Variants in SLC16A12 observed in about 807,000 individuals in gnomAD.
SLC16A12 encodes monocarboxylate transporter 12.
In SLC16A12, 17 loss-of-function variants were observed where a neutral mutation model predicts 42.4. That is an observed-to-expected ratio of 0.40 (90% CI 0.27 to 0.60). The LOEUF is 0.60. Among genes scored for constraint, SLC16A12 ranks in the 20% least tolerant of loss-of-function variants. SLC16A12 has a pLI of 0.42. For missense variants in SLC16A12, 544 were observed against 623.0 expected (o/e 0.87, Z 1.35); for synonymous variants, 224 against 229.4 (o/e 0.98, Z 0.21).
chr10:89,486,304 A>G (rs1309243581), intron 2 of SLC16A12, among the ~76,000 whole-genome samples: 1 of 152,140 alleles, frequency 6.6e-6, no homozygotes, highest in Non-Finnish European at 1.5e-5. Context: ...AAGATTGAGA[A>G]TTGGCCTCCC....
intron 2 of SLC16A12, among the ~76,000 whole-genome samples, chr10:89,473,426 T>A (rs1842531560): frequency 1.3e-5 from 2 of 152,098 alleles, no homozygotes; most frequent in African/African-American, 4.8e-5. Context: ...ATAGAACATG[T>A]AAACGTAAAA....
intron 2 of SLC16A12, among the ~76,000 whole-genome samples, chr10:89,473,198 A>C (rs1287291109): frequency 3.3e-5 from 5 of 152,116 alleles, no homozygotes; most frequent in Non-Finnish European, 5.9e-5. Context: ...TGACCTAGAA[A>C]AGCCAAAATA....
chr10:89,542,290 T>C (rs1330820333), intron 2 of SLC16A12, among the ~76,000 whole-genome samples: 1 of 147,884 alleles, frequency 6.8e-6, no homozygotes, highest in East Asian at 2.0e-4. Context: ...TCTTCTGTTA[T>C]ATTTTCTTTT....
At chr10:89,524,965 C>T (rs1354807857) in intron 2 of SLC16A12, among the ~76,000 whole-genome samples, 2 of 152,114 alleles carry the variant, frequency 1.3e-5, no homozygotes, top group African/African-American at 2.4e-5. Flanking sequence ...TACCTGTAAT[C>T]CCAGCACTTT....
intron 3 of SLC16A12, among the ~76,000 whole-genome samples, chr10:89,444,375 T>G (rs981935411): frequency 6.6e-6 from 1 of 152,102 alleles, no homozygotes; most frequent in African/African-American, 2.4e-5. Flanking sequence ...ATAATAATAA[T>G]AGATATATAA....
Position 89,438,855 on chromosome 10 carries a change from G to A in SLC16A12, c.777C>T (p.Thr259=). 1 of 1,614,138 alleles carries A rather than the reference G, an allele frequency of 6.2e-7. No homozygotes were observed. The highest frequency in any genetic ancestry group is 8.5e-7 in the Non-Finnish European group (1 of 1,180,018). ...AGAGGCAAGTCTGTGCCCATTCTTTGGTCAAAGATGAATAGGGAGACACCC... is the reference window on the plus strand; with the variant it reads ...AGAGGCAAGTCTGTGCCCATTCTTTAGTCAAAGATGAATAGGGAGACACCC... ...IKRVSPYSSL[T]KEWAQTCLCC... is the part of the protein sequence containing the mutation. Residue 259 remains threonine, a synonymous_variant, in exon 6 of 8, where the codon ACC becomes ACT. Transcript: ENST00000371790.
intron 4 of SLC16A12, 21 bp downstream of exon 4, chr10:89,443,735 A>G (rs1306147181): frequency 2.6e-6 from 4 of 1,540,678 alleles, no homozygotes; most frequent in Non-Finnish European, 3.6e-6. Context: ...GTAATTCCCT[A>G]TCCTAGTAAG....
chr10:89,440,906 G>C (rs925283562), intron 5 of SLC16A12, among the ~76,000 whole-genome samples: 8 of 152,190 alleles, frequency 5.3e-5, no homozygotes, highest in African/African-American at 1.9e-4. Context: ...CCATCTGGCT[G>C]AATTACAGTG....
At chr10:89,451,664 G>A (rs1048944604) in intron 3 of SLC16A12, among the ~76,000 whole-genome samples, 9 of 151,952 alleles carry the variant, frequency 5.9e-5, no homozygotes, top group Admixed American at 2.6e-4. Flanking sequence ...TGCCCACCTC[G>A]GCCTCCCAAA....
chr10:89,510,444 A>C (rs1165539077), intron 2 of SLC16A12, among the ~76,000 whole-genome samples: 8 of 152,198 alleles, frequency 5.3e-5, no homozygotes. Flanking sequence ...ATCTACAACC[A>C]TCTGATCTTT....
intron 2 of SLC16A12, among the ~76,000 whole-genome samples, chr10:89,549,679 T>C: frequency 6.6e-6 from 1 of 152,224 alleles, no homozygotes; most frequent in East Asian, 1.9e-4. Context: ...TTCCACCTAA[T>C]TCTAAGGTTA....
At chr10:89,443,234 T>C (rs990277426) in intron 4 of SLC16A12, among the ~76,000 whole-genome samples, 1 of 152,190 alleles carries the variant, frequency 6.6e-6, no homozygotes, top group African/African-American at 2.4e-5. Context: ...AAGATTTATA[T>C]ATGAAAAAGA....
intron 3 of SLC16A12, among the ~76,000 whole-genome samples, chr10:89,453,439 C>T (rs1032441807): frequency 6.6e-6 from 1 of 152,160 alleles, no homozygotes; most frequent in African/African-American, 2.4e-5. Flanking sequence ...TTTTGATCAA[C>T]AATAGACTAC....
At chr10:89,434,196 GTTTGA>G (rs1841740180) in intron 7 of SLC16A12, among the ~76,000 whole-genome samples, 1 of 152,094 alleles carries the variant, frequency 6.6e-6, no homozygotes, top group African/African-American at 2.4e-5. Flanking sequence ...TTTAGTTATT[GTTTGA>G]TTTACTTGTG....
At chr10:89,533,568 T>A (rs1191237711) in intron 2 of SLC16A12, among the ~76,000 whole-genome samples, 2 of 152,120 alleles carry the variant, frequency 1.3e-5, no homozygotes, top group East Asian at 1.9e-4. Flanking sequence ...AACACTATAA[T>A]TCATGTTTTT....
At chr10:89,463,317 GAAGT>G (rs1842333700) in intron 2 of SLC16A12, among the ~76,000 whole-genome samples, 1 of 152,064 alleles carries the variant, frequency 6.6e-6, no homozygotes, top group South Asian at 2.1e-4. Context: ...GTGTGTAATT[GAAGT>G]AAGAATAGAA....
chr10:89,484,866 G>A (rs1842723188), intron 2 of SLC16A12, among the ~76,000 whole-genome samples: 1 of 152,208 alleles, frequency 6.6e-6, no homozygotes, highest in South Asian at 2.1e-4. Context: ...TCTGGGGCAG[G>A]TGAGTGACAG....
chr10:89,489,223 G>T (rs779844139), intron 2 of SLC16A12, among the ~76,000 whole-genome samples: 5 of 152,020 alleles, frequency 3.3e-5, no homozygotes, highest in Admixed American at 1.3e-4. Context: ...CATTAGACTT[G>T]GTTCACAATG....
At chr10:89,460,934 C>T (rs1842288899) in intron 3 of SLC16A12, among the ~76,000 whole-genome samples, 1 of 152,012 alleles carries the variant, frequency 6.6e-6, no homozygotes, top group Non-Finnish European at 1.5e-5. Context: ...ATCAACCAAC[C>T]GTTACTGTAG....
Sources: allele counts gnomAD v4.1 joint callset (sites outside exome capture counted in the v4.1 genomes callset), GRCh38; gene constraint gnomAD v4.1.1; transcripts MANE v1.5; gene names NCBI Gene and HGNC (gene_info 2026-07-23, HGNC 2026-07-21).